ABI3BP: variants seen among roughly 807,000 people sequenced by gnomAD.
ABI3BP encodes ABI family member 3 binding protein.
In ABI3BP, 216 loss-of-function variants were observed where a neutral mutation model predicts 268.6. The ratio of observed to expected loss-of-function variants is 0.80; its 90% CI spans 0.72 to 0.90. The LOEUF (loss-of-function observed/expected upper bound fraction) is 0.90, where lower values mean the gene tolerates loss of function less well. Among genes scored for constraint, ABI3BP ranks in the 40% least tolerant of loss-of-function variants. The pLI, the probability that ABI3BP is intolerant of heterozygous loss-of-function variation, is 0.00. For missense variants in ABI3BP, 2,090 were observed against 2,182.4 expected (o/e 0.96, Z 0.84); for synonymous variants, 730 against 730.0 (o/e 1.00, Z 0.00).
Position 100,876,559 on chromosome 3 carries a change from G to A in ABI3BP, c.698C>T (p.Pro233Leu), listed in dbSNP as rs1164375120. 1 of 1,612,912 alleles carries A rather than the reference G, an allele frequency of 6.2e-7. No homozygotes were observed. The highest frequency in any genetic ancestry group is 8.5e-7 in the Non-Finnish European group (1 of 1,179,292). ...GATTAGTTTCCTTGGGACATATGCT[G>A]GCTGCAAAGAGAAGAAGAAAGTCAA... ...QSTYDQDHTV[P>L]AYVPRKLIPI... The change falls in exon 7 of 68, where the codon CCA becomes CTA. Residue 233 changes from proline (P) to leucine (L), a missense_variant and splice_region_variant. Pro to Leu is a moderately conservative substitution (Grantham distance 98). Coordinates refer to ENST00000471714, the MANE Select transcript of ABI3BP (RefSeq NM_001375547.2).
chr3:100,787,430 G>A (rs959593218), intron 57 of ABI3BP, among the ~76,000 whole-genome samples: 5 of 152,048 alleles, frequency 3.3e-5, no homozygotes, highest in African/African-American at 1.2e-4. Flanking sequence ...GAAATTAGGG[G>A]AAATAGCTAT....
rs930192282 is a variant in ABI3BP at position 100,838,190 on chromosome 3, G to A, written c.2083+20C>T. ...CCAAAGAAAATCCTGTTAAGCTAAAGCACTGGAAATTATGTTTACCGGATT... is the reference window on the plus strand; with the variant it reads ...CCAAAGAAAATCCTGTTAAGCTAAAACACTGGAAATTATGTTTACCGGATT... On this transcript the variant is annotated intron_variant, in intron 26 of 67. Coordinates refer to ENST00000471714, the MANE Select transcript of ABI3BP (RefSeq NM_001375547.2). The A allele has an allele frequency of 3.9e-5, 59 of 1,526,342 alleles. No homozygotes were observed. Among genetic ancestry groups the A allele is most frequent in the Non-Finnish European group, 4.8e-5 (55 of 1,137,928 alleles). 94.5% of individuals were successfully genotyped at this position (1,526,342 alleles called of 1,614,324 possible).
intron 27 of ABI3BP, among the ~76,000 whole-genome samples, chr3:100,836,256 AC>A (rs1446721189): frequency 3.9e-5 from 6 of 152,222 alleles, no homozygotes; most frequent in Admixed American, 6.5e-5. Context: ...TAATAATACA[AC>A]TTTTTGTCTA....
intron 1 of ABI3BP, among the ~76,000 whole-genome samples, chr3:100,958,133 T>C (rs1373686628): frequency 1.3e-5 from 2 of 152,240 alleles, no homozygotes; most frequent in Non-Finnish European, 2.9e-5. Flanking sequence ...TCATCCCTAA[T>C]AGACTATATT....
At chr3:100,785,737 G>A (rs904436343) in intron 57 of ABI3BP, among the ~76,000 whole-genome samples, 3 of 152,134 alleles carry the variant, frequency 2.0e-5, no homozygotes, top group Admixed American at 1.3e-4. Context: ...TTAACCACTC[G>A]GCCACAACTA....
intron 3 of ABI3BP, among the ~76,000 whole-genome samples, chr3:100,900,283 C>T (rs947303396): frequency 1.7e-4 from 26 of 152,322 alleles, no homozygotes; most frequent in Middle Eastern, 3.4e-3. Context: ...GCAGGGAACA[C>T]TTATAGTTTG....
intron 5 of ABI3BP, 101 bp from the exon 6 acceptor site, chr3:100,885,689 T>A (rs2041660550): frequency 7.8e-6 from 5 of 637,810 alleles, no homozygotes; most frequent in Non-Finnish European, 1.3e-5. Flanking sequence ...TCCTCTAACT[T>A]GGATGTATAA....
At chr3:100,931,537 G>A (rs546406657) in intron 1 of ABI3BP, among the ~76,000 whole-genome samples, 2 of 151,918 alleles carry the variant, frequency 1.3e-5, no homozygotes, top group African/African-American at 4.8e-5. Context: ...ACAAAAATTA[G>A]TAGCATTTCT....
intron 1 of ABI3BP, among the ~76,000 whole-genome samples, chr3:100,940,490 A>G (rs1047351588): frequency 6.6e-6 from 1 of 151,696 alleles, no homozygotes; most frequent in African/African-American, 2.4e-5. Context: ...TTGTGACTAT[A>G]TACATTAGCC....
intron 62 of ABI3BP, 94 bp downstream of exon 62, chr3:100,770,649 C>CT: frequency 8.1e-7 from 1 of 1,227,822 alleles, no homozygotes; most frequent in East Asian, 2.8e-5. Context: ...CCCAGGTATG[C>CT]TTCACATGTC....
rs192401988 is a variant in ABI3BP at position 100,866,868 on chromosome 3, G to A, written c.988+11C>T. On this transcript the variant is annotated intron_variant, in intron 10 of 67. Coordinates refer to ENST00000471714, the MANE Select transcript of ABI3BP (RefSeq NM_001375547.2). ...CTTTTCTCAAGGTCAACAACATAGCGATCTCATTACCTGTTGTGGGTCGTG... is the reference window on the plus strand; with the variant it reads ...CTTTTCTCAAGGTCAACAACATAGCAATCTCATTACCTGTTGTGGGTCGTG... 2.1e-3 allele frequency: 3,408 copies of A among 1,610,084 alleles called. 5 individuals carry two copies. Among genetic ancestry groups the A allele is most frequent in the Non-Finnish European group, 2.7e-3 (3,178 of 1,177,192 alleles).
intron 18 of ABI3BP, among the ~76,000 whole-genome samples, chr3:100,848,248 G>T (rs1234907247): frequency 6.6e-6 from 1 of 152,000 alleles, no homozygotes; most frequent in African/African-American, 2.4e-5. Context: ...AACATCACTC[G>T]AATGAACATT....
chr3:100,875,059 C>G, intron 8 of ABI3BP, 126 bp from the exon 9 acceptor site: 1 of 539,094 alleles, frequency 1.9e-6, no homozygotes, highest in South Asian at 3.3e-5. Flanking sequence ...AAATTTTAAC[C>G]CAAACTTTAA....
intron 2 of ABI3BP, among the ~76,000 whole-genome samples, chr3:100,921,149 A>G (rs1026640357): frequency 3.3e-5 from 5 of 152,246 alleles, no homozygotes; most frequent in African/African-American, 9.6e-5. Flanking sequence ...AGCTGTGAGA[A>G]CACGAGAATT....
intron 9 of ABI3BP, among the ~76,000 whole-genome samples, chr3:100,870,776 C>G (rs992336210): frequency 6.6e-6 from 1 of 152,122 alleles, no homozygotes; most frequent in Non-Finnish European, 1.5e-5. Context: ...TTCACAACAA[C>G]CAAGATATGG....
intron 1 of ABI3BP, among the ~76,000 whole-genome samples, chr3:100,975,471 T>C (rs1346932003): frequency 2.6e-5 from 4 of 152,110 alleles, no homozygotes; most frequent in Non-Finnish European, 4.4e-5. Context: ...AAATGGATTA[T>C]ACAATAGTTG....
chr3:100,888,269 A>G (rs1419126071), intron 4 of ABI3BP, among the ~76,000 whole-genome samples: 1 of 152,122 alleles, frequency 6.6e-6, no homozygotes, highest in African/African-American at 2.4e-5. Context: ...ATTGTAATAG[A>G]ATGTAATAGA....
Position 100,835,640 on chromosome 3 carries a change from G to C in ABI3BP, c.2152C>G (p.Pro718Ala). ...MTIVPTTDIEPVTVRTEATVT... is the reference protein window; with the variant it reads ...MTIVPTTDIEAVTVRTEATVT... ...GTAGCCTCAGTTCTCACAGTTACAG[G>C]CTCAATGTCTGTGGTGGGAACTAAC... The change falls in exon 28 of 68, where the codon CCT becomes GCT. Residue 718 changes from proline (P) to alanine (A), a missense_variant. By Grantham distance (27) the Pro-to-Ala change is conservative. Coordinates refer to ENST00000471714, the MANE Select transcript of ABI3BP (RefSeq NM_001375547.2). 1.3e-6 allele frequency: 2 copies of C among 1,535,066 alleles called. No homozygotes were observed. Among genetic ancestry groups the C allele is most frequent in the South Asian group, 2.4e-5 (2 of 84,008 alleles).
chr3:100,867,035 G>A (rs1402714150), intron 9 of ABI3BP, 79 bp from the exon 10 acceptor site: 2 of 1,096,692 alleles, frequency 1.8e-6, no homozygotes, highest in Non-Finnish European at 2.7e-6. Flanking sequence ...TCAAGTAGCA[G>A]ACTAAAAATC....
Sources: gnomAD v4.1 joint callset for allele counts (sites outside exome capture counted in the v4.1 genomes callset) on GRCh38, gnomAD v4.1.1 for gene constraint, MANE v1.5 for transcripts, NCBI Gene and HGNC (gene_info 2026-07-23, HGNC 2026-07-21) for gene names.